FAM135A: variants seen among roughly 807,000 people sequenced by gnomAD.
The protein encoded by FAM135A is protein FAM135A.
A neutral mutation model predicts 146.8 loss-of-function variants in FAM135A; 79 were observed. The ratio of observed to expected loss-of-function variants is 0.54; its 90% CI spans 0.45 to 0.65. The LOEUF is 0.65. Ranked by LOEUF, FAM135A falls within the 30% of genes least tolerant of loss-of-function variation. The probability of loss-of-function intolerance (pLI) is 0.00; values close to 1 mark genes in which losing one functional copy is unlikely to be tolerated. For synonymous variants in FAM135A, 562 were observed against 603.6 expected, an observed-to-expected ratio of 0.93 and a Z score of 1.01; for missense variants, 1,623 against 1,758.2, an observed-to-expected ratio of 0.92 and a Z score of 1.38.
At chr6:70,431,889 G>A (rs558459959) in intron 4 of FAM135A, among the ~76,000 whole-genome samples, 1 of 151,888 alleles carries the variant, frequency 6.6e-6, no homozygotes, top group South Asian at 2.1e-4. Context: ...AGTGTCCTCT[G>A]ACCTATATAT....
At chr6:70,473,750 T>C (rs1281435258) in intron 5 of FAM135A, among the ~76,000 whole-genome samples, 1 of 151,944 alleles carries the variant, frequency 6.6e-6, no homozygotes, top group Non-Finnish European at 1.5e-5. Flanking sequence ...GTGCCAGGAG[T>C]TCCTTTTCCT....
chr6:70,454,658 A>G (rs535994074), intron 5 of FAM135A, among the ~76,000 whole-genome samples: 1 of 152,294 alleles, frequency 6.6e-6, no homozygotes, highest in East Asian at 1.9e-4. Flanking sequence ...CATTTATTAA[A>G]TAGGGAATCC....
chr6:70,469,555 G>C (rs949094573), intron 5 of FAM135A, among the ~76,000 whole-genome samples: 5 of 152,036 alleles, frequency 3.3e-5, no homozygotes, highest in African/African-American at 1.2e-4. Context: ...AGAACCAGTG[G>C]GTTTACTGAA....
At chr6:70,523,906 A>G (rs924861267) in intron 13 of FAM135A, 61 bp from the exon 14 acceptor site, 5 of 1,536,934 alleles carry the variant, frequency 3.3e-6, no homozygotes, top group Non-Finnish European at 3.5e-6. Flanking sequence ...GGTAGATTCT[A>G]CAAAGGGGAG....
chr6:70,504,312 A>C (rs1308459082), intron 12 of FAM135A: 2 of 152,218 alleles, frequency 1.3e-5, no homozygotes. Context: ...ATTTCTAATA[A>C]GATAACTTTT....
intron 5 of FAM135A, among the ~76,000 whole-genome samples, chr6:70,464,501 A>T (rs1361898655): frequency 5.3e-5 from 8 of 152,142 alleles, no homozygotes; most frequent in Non-Finnish European, 8.8e-5. Context: ...AATATTAGAA[A>T]ACAAAGTTTC....
At chr6:70,557,297 ATT>A in intron 21 of FAM135A, 1 of 194,754 alleles carries the variant, frequency 5.1e-6, no homozygotes, top group Non-Finnish European at 1.0e-5. Flanking sequence ...AAGTATAGCC[ATT>A]TGGAGCCAGA....
At chr6:70,554,308 A>G (rs1182877448) in intron 20 of FAM135A, among the ~76,000 whole-genome samples, 4 of 152,236 alleles carry the variant, frequency 2.6e-5, no homozygotes, top group Non-Finnish European at 5.9e-5. Flanking sequence ...CTGGCCTGAA[A>G]TAACCATTGT....
intron 4 of FAM135A, among the ~76,000 whole-genome samples, chr6:70,450,815 C>A (rs1776918693): frequency 7.4e-6 from 1 of 134,516 alleles, no homozygotes; most frequent in African/African-American, 2.7e-5. Flanking sequence ...GATCTCAGCT[C>A]ACTGCAAACT....
At chr6:70,470,506 G>A (rs761578738) in intron 5 of FAM135A, among the ~76,000 whole-genome samples, 5 of 152,068 alleles carry the variant, frequency 3.3e-5, no homozygotes, top group Non-Finnish European at 7.4e-5. Flanking sequence ...ACAGGTGGCC[G>A]CCACCACACC....
At chr6:70,500,836 C>G (rs1411181844) in intron 11 of FAM135A, among the ~76,000 whole-genome samples, 1 of 152,206 alleles carries the variant, frequency 6.6e-6, no homozygotes, top group Non-Finnish European at 1.5e-5. Context: ...AGATGGCTGC[C>G]TGCTCCTTCC....
intron 4 of FAM135A, among the ~76,000 whole-genome samples, chr6:70,437,912 T>C (rs1190214518): frequency 1.3e-5 from 2 of 152,138 alleles, no homozygotes; most frequent in Non-Finnish European, 1.5e-5. Flanking sequence ...GCGGAGGAAT[T>C]GTGAAATTTC....
At chr6:70,508,846 C>G (rs184101430) in intron 12 of FAM135A, among the ~76,000 whole-genome samples, 11 of 152,308 alleles carry the variant, frequency 7.2e-5, no homozygotes, top group Admixed American at 5.9e-4. Flanking sequence ...GCAACCCTAT[C>G]AAATAGCATA....
At chr6:70,417,204 G>T (rs1432203949) in intron 2 of FAM135A, among the ~76,000 whole-genome samples, 1 of 150,834 alleles carries the variant, frequency 6.6e-6, no homozygotes. Context: ...AGATCATACA[G>T]AATATAGAAC....
intron 5 of FAM135A, among the ~76,000 whole-genome samples, chr6:70,455,629 C>G (rs1449763391): frequency 6.6e-6 from 1 of 151,958 alleles, no homozygotes; most frequent in Non-Finnish European, 1.5e-5. Context: ...TTTTGAACAT[C>G]CTTGAATCTA....
Position 70,526,262 on chromosome 6 carries a change from A to G in FAM135A, c.3178A>G (p.Ser1060Gly). 2 of 1,613,620 alleles carry G rather than the reference A, an allele frequency of 1.2e-6. No homozygotes were observed. The highest frequency in any genetic ancestry group is 1.7e-6 in the Non-Finnish European group (2 of 1,179,708). Residue 1060 changes from serine to glycine, a missense_variant, in exon 15 of 22, where the codon AGC (serine) becomes GGC (glycine). Around this residue, in one of 7 missense-constraint regions of FAM135A, gnomAD observed 1,061 missense variants for 1,113.8 expected, o/e 0.95. Coordinates refer to ENST00000418814, the MANE Select transcript of FAM135A (RefSeq NM_001162529.3). ...DISDTCAVSYSNALSPQKETS... is the reference protein window; with the variant it reads ...DISDTCAVSYGNALSPQKETS... ...TTCTGACACATGTGCTGTTAGCTACAGCAATGCACTTAGCCCTCAGAAGGA... is the reference window on the plus strand; with the variant it reads ...TTCTGACACATGTGCTGTTAGCTACGGCAATGCACTTAGCCCTCAGAAGGA...
intron 4 of FAM135A, among the ~76,000 whole-genome samples, chr6:70,440,546 G>A (rs1774223825): frequency 6.6e-6 from 1 of 152,058 alleles, no homozygotes; most frequent in South Asian, 2.1e-4. Flanking sequence ...AAATTAGCTG[G>A]GCATGGTGGT....
At chr6:70,553,083 C>T (rs1456045938) in intron 20 of FAM135A, among the ~76,000 whole-genome samples, 1 of 151,978 alleles carries the variant, frequency 6.6e-6, no homozygotes, top group East Asian at 1.9e-4. Context: ...GCATCAATAG[C>T]AAATGATTAT....
intron 12 of FAM135A, among the ~76,000 whole-genome samples, chr6:70,518,186 G>A (rs1792736285): frequency 2.0e-5 from 3 of 152,212 alleles, no homozygotes; most frequent in South Asian, 4.1e-4. Context: ...AGCCTTAGTA[G>A]TGATGTGGGA....
Sources: allele counts gnomAD v4.1 joint callset (sites outside exome capture counted in the v4.1 genomes callset), GRCh38; gene constraint gnomAD v4.1.1; regional missense constraint gnomAD v4.1.1; transcripts MANE v1.5; gene names NCBI Gene and HGNC (gene_info 2026-07-23, HGNC 2026-07-21).